The following NUDT3 variants were observed in gnomAD, a reference collection of about 807,000 sequenced individuals.
NUDT3 encodes the protein nudix hydrolase 3, also known as diphosphoinositol polyphosphate phosphohydrolase 1.
A neutral mutation model predicts 23.6 loss-of-function variants in NUDT3; 9 were observed. That is an observed-to-expected ratio of 0.38 (90% CI 0.23 to 0.66). The LOEUF is 0.66. NUDT3 is among the 30% of genes least tolerant of loss of function. NUDT3 has a pLI of 0.52. For missense variants in NUDT3, 172 were observed against 218.5 expected (o/e 0.79, Z 1.34); for synonymous variants, 86 against 82.6 (o/e 1.04, Z -0.22).
rs1207503738 is a variant in NUDT3, at chr6:34,280,001, G to A, written c.*8752C>T. ...TGGCCTGTTCTTTAGAGAGGAAGGT[G>A]GGATGGTATCTGCTGTGTACCTGTC... On this transcript the variant is annotated 3_prime_UTR_variant, in exon 5 of 5. Transcript: ENST00000607016. The A allele has an allele frequency of 1.3e-5, 2 of 152,278 alleles. No individual in the cohort carries two copies. The highest frequency in any genetic ancestry group is 1.9e-4 in the East Asian group (1 of 5,198). 9.4% of individuals were successfully genotyped at this position (152,278 alleles called of 1,614,324 possible). A position where few individuals can be genotyped will look rare whatever the true frequency, so the allele number is the denominator to read the frequency against.
intron 1 of NUDT3, among the ~76,000 whole-genome samples, chr6:34,343,040 T>C (rs1764311055): frequency 6.6e-6 from 1 of 152,186 alleles, no homozygotes; most frequent in Non-Finnish European, 1.5e-5. Context: ...GATCTGTAGA[T>C]TCAGAGAAGA....
intron 1 of NUDT3, among the ~76,000 whole-genome samples, chr6:34,383,376 T>C (rs1581903715): frequency 6.6e-6 from 1 of 152,150 alleles, no homozygotes; most frequent in African/African-American, 2.4e-5. Flanking sequence ...TAAGGGATCA[T>C]TTCATTTTAT....
chr6:34,343,093 C>A (rs1324332026), intron 1 of NUDT3, among the ~76,000 whole-genome samples: 1 of 152,142 alleles, frequency 6.6e-6, no homozygotes. Flanking sequence ...CATACTCAGT[C>A]ACTAATATAT....
intron 1 of NUDT3, among the ~76,000 whole-genome samples, chr6:34,366,560 A>T (rs1278199024): frequency 7.3e-6 from 1 of 136,800 alleles, no homozygotes; most frequent in Non-Finnish European, 1.5e-5. Context: ...ATGGGAGCTT[A>T]CTGTTTTGTT....
chr6:34,293,618 T>C (rs535755077), intron 3 of NUDT3, 83 bp from the exon 4 acceptor site: 2 of 1,463,120 alleles, frequency 1.4e-6, no homozygotes, highest in Admixed American at 1.8e-5. Flanking sequence ...CTTATGCATA[T>C]GTCCAGAGAG....
At chr6:34,351,216 A>AAAAAAAAAAAAAAAAAAAAAAAAC (rs1561915130) in intron 1 of NUDT3, among the ~76,000 whole-genome samples, 1 of 130,826 alleles carries the variant, frequency 7.6e-6, no homozygotes, top group African/African-American at 3.3e-5. Flanking sequence ...AAAAAAAAAA[A>AAAAAAAAAAAAAAAAAAAAAAAAC]AAAAAAAAAA....
chr6:34,388,278 C>T (rs1295249949), intron 1 of NUDT3, among the ~76,000 whole-genome samples: 1 of 152,178 alleles, frequency 6.6e-6, no homozygotes, highest in East Asian at 1.9e-4. Flanking sequence ...CGTTAAGCGA[C>T]ACATGGCTGT....
chr6:34,389,924 A>C (rs938905484), intron 1 of NUDT3, among the ~76,000 whole-genome samples: 12 of 151,428 alleles, frequency 7.9e-5, no homozygotes, highest in Admixed American at 5.3e-4. Flanking sequence ...AGATGGTGCC[A>C]CTGCACTCCA....
rs191113139 is a variant in NUDT3 at position 34,305,202 on chromosome 6, G to C, written c.211-9517C>G. The stretch of plus-strand genomic sequence containing the variant: ...TTTACCATGTTGGCAGGCTGGTCTC[G>C]AACTCCTGACTTCAAGTGATCCACT... On this transcript the variant is annotated intron_variant, in intron 2 of 4. Transcript: ENST00000607016. Among the ~76,000 whole-genome samples the C allele has an allele frequency of 1.8e-3, 270 of 151,778 alleles. 1 individual carries two copies. Among genetic ancestry groups the C allele is most frequent in the Non-Finnish European group, 3.5e-3 (235 of 67,914 alleles).
At chr6:34,355,989 C>A (rs1377943427) in intron 1 of NUDT3, among the ~76,000 whole-genome samples, 1 of 152,026 alleles carries the variant, frequency 6.6e-6, no homozygotes, top group Admixed American at 6.6e-5. Flanking sequence ...AAACATAAGA[C>A]CCTGTTTAGG....
chr6:34,358,889 A>C (rs1472989321), intron 1 of NUDT3, among the ~76,000 whole-genome samples: 1 of 152,244 alleles, frequency 6.6e-6, no homozygotes, highest in East Asian at 1.9e-4. Flanking sequence ...ATTAAGATAG[A>C]AAGATAGTTA....
chr6:34,354,749 A>ATATATATTTATT (rs570166534), intron 1 of NUDT3, among the ~76,000 whole-genome samples: 2 of 144,544 alleles, frequency 1.4e-5, no homozygotes, highest in South Asian at 4.3e-4. Flanking sequence ...ATATATATAT[A>ATATATATTTATT]TATTTATTTA....
intron 1 of NUDT3, among the ~76,000 whole-genome samples, chr6:34,346,739 A>C (rs917870981): frequency 4.2e-5 from 6 of 141,814 alleles, no homozygotes; most frequent in East Asian, 4.0e-4. Flanking sequence ...AATTTACTAC[A>C]AAAAAAAAAA....
chr6:34,351,232 T>G (rs1191586761), intron 1 of NUDT3, among the ~76,000 whole-genome samples: 1 of 52,376 alleles, frequency 1.9e-5, no homozygotes, highest in African/African-American at 7.1e-5. Flanking sequence ...AAAAACACTT[T>G]GGGAGGCCAA....
At chr6:34,332,778 A>G (rs1440423911) in intron 2 of NUDT3, among the ~76,000 whole-genome samples, 1 of 152,050 alleles carries the variant, frequency 6.6e-6, no homozygotes, top group Non-Finnish European at 1.5e-5. Flanking sequence ...GTAGGCACAT[A>G]ATTTTCTCCT....
intron 1 of NUDT3, among the ~76,000 whole-genome samples, chr6:34,348,155 G>A (rs958462108): frequency 6.6e-6 from 1 of 151,886 alleles, no homozygotes; most frequent in Non-Finnish European, 1.5e-5. Flanking sequence ...GCACGATGGT[G>A]TGAGCCTGTA....
intron 1 of NUDT3, among the ~76,000 whole-genome samples, chr6:34,372,711 G>A (rs772728830): frequency 6.6e-6 from 1 of 152,080 alleles, no homozygotes; most frequent in South Asian, 2.1e-4. Context: ...GGCTGAGGCA[G>A]GAGAATCGCT....
chr6:34,389,259 C>T (rs976476503), intron 1 of NUDT3, among the ~76,000 whole-genome samples: 9 of 152,292 alleles, frequency 5.9e-5, no homozygotes, highest in Middle Eastern at 3.4e-3. Flanking sequence ...TGAATGCTCA[C>T]GAAATCCAAT....
At chr6:34,312,543 C>T (rs1036133005) in intron 2 of NUDT3, among the ~76,000 whole-genome samples, 6 of 152,154 alleles carry the variant, frequency 3.9e-5, no homozygotes, top group Non-Finnish European at 5.9e-5. Flanking sequence ...TCTTACAAAA[C>T]TATACATACC....
Sources: allele counts gnomAD v4.1 joint callset (sites outside exome capture counted in the v4.1 genomes callset), GRCh38; gene constraint gnomAD v4.1.1; transcripts MANE v1.5; gene names NCBI Gene and HGNC (gene_info 2026-07-23, HGNC 2026-07-21).